Variants in PAK5 observed in about 807,000 individuals in gnomAD.
PAK5 encodes serine/threonine-protein kinase PAK 5.
Under a neutral mutation model 65.9 loss-of-function variants are expected in PAK5, and 16 were observed. The ratio of observed to expected loss-of-function variants is 0.24; its 90% CI spans 0.16 to 0.37. The LOEUF (loss-of-function observed/expected upper bound fraction) is 0.37. PAK5 is among the 10% of genes least tolerant of loss of function. The pLI is 1.00. For synonymous variants in PAK5, 371 were observed against 354.9 expected (o/e 1.05, Z -0.51); for missense variants, 785 against 903.9 (o/e 0.87, Z 1.69).
At chr20:9,543,073 A>G (rs922989139) in intron 8 of PAK5, among the ~76,000 whole-genome samples, 9 of 152,256 alleles carry the variant, frequency 5.9e-5, no homozygotes, top group Non-Finnish European at 1.3e-4. Context: ...AGAAAATTGT[A>G]TTTAAACCAT....
intron 1 of PAK5, among the ~76,000 whole-genome samples, chr20:9,721,206 A>C (rs1004278370): frequency 2.0e-5 from 3 of 152,266 alleles, no homozygotes; most frequent in South Asian, 2.1e-4. Flanking sequence ...GCGAAGGATT[A>C]AACCCTGGAT....
chr20:9,707,104 G>C (rs2048018038), intron 2 of PAK5, among the ~76,000 whole-genome samples: 4 of 151,816 alleles, frequency 2.6e-5, no homozygotes, highest in African/African-American at 9.7e-5. Context: ...ATACTATCCT[G>C]CTGTCTTTTC....
At chr20:9,706,536 C>G (rs2048010202) in intron 2 of PAK5, among the ~76,000 whole-genome samples, 1 of 150,012 alleles carries the variant, frequency 6.7e-6, no homozygotes, top group Non-Finnish European at 1.5e-5. Flanking sequence ...TAGAGTGCAG[C>G]AGTGCAATCC....
chr20:9,579,722 T>G (rs972035830), intron 4 of PAK5, among the ~76,000 whole-genome samples: 15 of 152,202 alleles, frequency 9.9e-5, no homozygotes, highest in Non-Finnish European at 2.9e-5. Flanking sequence ...GTTTCTTTCC[T>G]TTTTAGCAGG....
chr20:9,760,340 T>A (rs2048684262), intron 1 of PAK5, among the ~76,000 whole-genome samples: 1 of 152,192 alleles, frequency 6.6e-6, no homozygotes, highest in South Asian at 2.1e-4. Context: ...TATTGAGGGC[T>A]AAATGATCTA....
chr20:9,588,773 C>T (rs1568983405), intron 3 of PAK5, among the ~76,000 whole-genome samples: 1 of 152,140 alleles, frequency 6.6e-6, no homozygotes, highest in Non-Finnish European at 1.5e-5. Context: ...TGCCATGGAA[C>T]CTCCAGGCAT....
intron 2 of PAK5, among the ~76,000 whole-genome samples, chr20:9,676,001 T>A (rs559749643): frequency 1.6e-4 from 25 of 152,264 alleles, no homozygotes; most frequent in African/African-American, 6.0e-4. Flanking sequence ...TACCCAAGAC[T>A]GGGCAATTTA....
chr20:9,540,420 C>T (rs2045242446), intron 9 of PAK5, among the ~76,000 whole-genome samples: 1 of 152,202 alleles, frequency 6.6e-6, no homozygotes, highest in Non-Finnish European at 1.5e-5. Context: ...TAATTTATAG[C>T]ATAACTTAGT....
At position 9,537,671 on chromosome 20, in the gene PAK5, A is replaced by C. The variant is rs752618042; in HGVS notation, c.*1791T>G. 1.1e-4 allele frequency: 24 copies of C among 219,056 alleles called. No homozygotes were observed. Among genetic ancestry groups the C allele is most frequent in the Non-Finnish European group, 2.2e-4 (24 of 109,138 alleles). 13.6% of individuals were successfully genotyped at this position (219,056 alleles called of 1,614,324 possible). A position where few individuals can be genotyped will look rare whatever the true frequency, so the allele number is the denominator to read the frequency against. ...ACATAGTCCTGGTTAAATTAATACA[A>C]TCTGTCTCATGAACATTTAGGACTG... On this transcript the variant is annotated 3_prime_UTR_variant, in exon 10 of 10. Coordinates refer to ENST00000353224, the MANE Select transcript of PAK5 (RefSeq NM_177990.4).
intron 1 of PAK5, among the ~76,000 whole-genome samples, chr20:9,767,630 A>T (rs2123666991): frequency 6.6e-6 from 1 of 152,214 alleles, no homozygotes; most frequent in Admixed American, 6.5e-5. Context: ...GCAATATTTA[A>T]GCTTTCTGTA....
At chr20:9,541,451 C>A (rs190151333) in intron 9 of PAK5, among the ~76,000 whole-genome samples, 1 of 152,278 alleles carries the variant, frequency 6.6e-6, no homozygotes, top group East Asian at 1.9e-4. Flanking sequence ...TTAACCATGA[C>A]CTTCATTGCC....
At chr20:9,584,408 G>A (rs2046032815) in intron 3 of PAK5, among the ~76,000 whole-genome samples, 1 of 152,214 alleles carries the variant, frequency 6.6e-6, no homozygotes, top group African/African-American at 2.4e-5. Flanking sequence ...CGCCTCCCGG[G>A]TTCAAGTAAT....
intron 2 of PAK5, among the ~76,000 whole-genome samples, chr20:9,686,466 G>T (rs1440261335): frequency 6.6e-6 from 1 of 152,116 alleles, no homozygotes; most frequent in Non-Finnish European, 1.5e-5. Flanking sequence ...CATGCTCATA[G>T]CTCACTGCAG....
At chr20:9,735,525 A>G (rs2048378501) in intron 1 of PAK5, among the ~76,000 whole-genome samples, 1 of 152,148 alleles carries the variant, frequency 6.6e-6, no homozygotes, top group Admixed American at 6.6e-5. Context: ...AGATCCGTGG[A>G]CGTTAGGTAA....
chr20:9,588,038 A>G (rs1434301180), intron 3 of PAK5, among the ~76,000 whole-genome samples: 2 of 152,170 alleles, frequency 1.3e-5, no homozygotes, highest in Non-Finnish European at 2.9e-5. Flanking sequence ...CCCTTTGAAG[A>G]TGAAACATTT....
At chr20:9,542,551 T>C (rs1260313102) in intron 9 of PAK5, 35 bp downstream of exon 9, 1 of 1,612,566 alleles carries the variant, frequency 6.2e-7, no homozygotes, top group Non-Finnish European at 8.5e-7. Flanking sequence ...ATCCAAAAAC[T>C]ATTCTGAACT....
At position 9,683,481 on chromosome 20, in the gene PAK5, A is replaced by C. The variant is rs189060550; in HGVS notation, c.-12+27805T>G. On this transcript the variant is annotated intron_variant, in intron 2 of 9. Transcript: ENST00000353224. ...AGATATTATAAAGCCTGGGGGATCT[A>C]TCTTCTGCTTCTTTTTCCTTCTTCC... Among the ~76,000 whole-genome samples, 293 of 152,258 alleles carry C rather than the reference A, an allele frequency of 1.9e-3. 1 individual carries two copies. Among genetic ancestry groups the C allele is most frequent in the African/African-American group, 6.7e-3 (280 of 41,566 alleles).
chr20:9,828,582 T>C (rs1206892695), intron 1 of PAK5, among the ~76,000 whole-genome samples: 6 of 152,166 alleles, frequency 3.9e-5, no homozygotes, highest in African/African-American at 7.2e-5. Context: ...TAAACTGTAA[T>C]GTAGCTATAA....
At chr20:9,626,727 A>T (rs996507814) in intron 3 of PAK5, among the ~76,000 whole-genome samples, 5 of 152,218 alleles carry the variant, frequency 3.3e-5, no homozygotes, top group African/African-American at 7.2e-5. Flanking sequence ...TTGTTATGCC[A>T]TACTTACAGT....
Sources: allele counts gnomAD v4.1 joint callset (sites outside exome capture counted in the v4.1 genomes callset), GRCh38; gene constraint gnomAD v4.1.1; transcripts MANE v1.5; gene names NCBI Gene and HGNC (gene_info 2026-07-23, HGNC 2026-07-21).